MOCS1: variants seen among roughly 807,000 people sequenced by gnomAD.
MOCS1 encodes the protein molybdenum cofactor synthesis 1, also known as molybdenum cofactor biosynthesis protein 1.
MOCS1 carries 39 observed loss-of-function variants against 57.6 expected under a neutral mutation model. The ratio of observed to expected loss-of-function variants is 0.68; its 90% CI spans 0.52 to 0.88. MOCS1 has a LOEUF of 0.88. MOCS1 is among the 40% of genes least tolerant of loss of function. The probability of loss-of-function intolerance (pLI) is 0.00; values close to 1 mark genes in which losing one functional copy is unlikely to be tolerated. For missense variants in MOCS1, 795 were observed against 831.1 expected, an observed-to-expected ratio of 0.96 and a Z score of 0.53; for synonymous variants, 334 against 335.7, an observed-to-expected ratio of 1.00 and a Z score of 0.05.
In MOCS1 at chr6:39,924,115, C is replaced by A. The variant is rs1298456017; in HGVS notation, c.418+1563G>T. On this transcript the variant is annotated intron_variant, in intron 3 of 10. Transcript: ENST00000340692. ...GTTTAGAAGCTCATGGCAAGAGGCC[C>A]TTTAGAGCTACCTTTACAGAGCACT... 3.9e-5 allele frequency among the ~76,000 whole-genome samples: 6 copies of A among 152,328 alleles called. No homozygotes were observed. The East Asian group carries it at 1.2e-3, about 29-fold the overall frequency.
At chr6:39,911,450 C>G (rs1326195613) in intron 8 of MOCS1, among the ~76,000 whole-genome samples, 2 of 152,210 alleles carry the variant, frequency 1.3e-5, no homozygotes, top group African/African-American at 4.8e-5. Context: ...TGGAGAACCA[C>G]TGAATGGCCA....
intron 3 of MOCS1, among the ~76,000 whole-genome samples, chr6:39,919,916 AT>A (rs1399387217): frequency 6.6e-6 from 1 of 152,208 alleles, no homozygotes; most frequent in Non-Finnish European, 1.5e-5. Flanking sequence ...TAGGTGTTTC[AT>A]TAACAAGATA....
chr6:39,923,324 G>A (rs989635516), intron 3 of MOCS1, among the ~76,000 whole-genome samples: 3 of 152,226 alleles, frequency 2.0e-5, no homozygotes, highest in Non-Finnish European at 4.4e-5. Flanking sequence ...CGGTGGGGAA[G>A]GAACCTGCAC....
At position 39,905,720 on chromosome 6, in the gene MOCS1, G is replaced by C. The variant is rs751660956; in HGVS notation, c.*637C>G. On this transcript the variant is annotated 3_prime_UTR_variant, in exon 11 of 11. Coordinates refer to ENST00000340692, the MANE Select transcript of MOCS1 (RefSeq NM_001358530.2). The stretch of plus-strand genomic sequence containing the variant: ...GTGTGCACATCCTGTTTCAGAAGAG[G>C]GGGGCCAGAGGAAAAGGGGCCAGCA... 2.1e-6 allele frequency: 1 copy of C among 471,174 alleles called. No homozygotes were observed. The highest frequency in any genetic ancestry group is 3.2e-4 in the Middle Eastern group (1 of 3,078). 29.2% of individuals were successfully genotyped at this position (471,174 alleles called of 1,614,324 possible).
In MOCS1 at chr6:39,927,365, GGTAGCTGTGCTGCCGGCC is replaced by G. The variant is rs1768378228; in HGVS notation, c.196_213del (p.Gly66_Tyr71del). On this transcript the variant is annotated inframe_deletion, in exon 2 of 11. Transcript: ENST00000340692. ...CACTTCTCTGTGAGGGAGATCCGCA[GGTAGCTGTGCTGCCGGCC>G]GAAGCTGTCTGTGAGGAAGGCGGAG... The G allele has an allele frequency of 1.9e-6, 3 of 1,612,496 alleles. No individual in the cohort carries two copies. The highest frequency in any genetic ancestry group is 2.5e-6 in the Non-Finnish European group (3 of 1,179,712).
rs767097726 is a variant in MOCS1, at chr6:39,907,107, C to CA, written c.1160dup (p.Leu387PhefsTer77). On this transcript the variant is annotated frameshift_variant, in exon 11 of 11. Coordinates refer to ENST00000340692, the MANE Select transcript of MOCS1 (RefSeq NM_001358530.2). LOFTEE classifies it low-confidence loss of function (END_TRUNC). ...TGGCTGGTGGGGAATTGGGGAACAT[C>CA]AAAAATAACTCTGCAAGGCAAGAAG... The CA allele has an allele frequency of 6.2e-7, 1 of 1,610,496 alleles. No individual in the cohort carries two copies. Among genetic ancestry groups the CA allele is most frequent in the African/African-American group, 1.3e-5 (1 of 74,650 alleles).
At position 39,905,141 on chromosome 6, in the gene MOCS1, T is replaced by G. The variant is rs1033915054; in HGVS notation, c.*1216A>C. ...GCAGGCAGGGGGCACCACTGAGGAC[T>G]CAAAGACATCCAAGTTAGAGAGCCC... is the stretch of plus-strand genomic sequence containing the variant. On this transcript the variant is annotated 3_prime_UTR_variant, in exon 11 of 11. Transcript: ENST00000340692. 2.2e-6 allele frequency: 1 copy of G among 454,352 alleles called. No individual in the cohort carries two copies. Among genetic ancestry groups the G allele is most frequent in the Non-Finnish European group, 4.4e-6 (1 of 226,916 alleles). 28.1% of individuals were successfully genotyped at this position (454,352 alleles called of 1,614,324 possible).
At chr6:39,910,181 C>G (rs1032450806) in intron 8 of MOCS1, among the ~76,000 whole-genome samples, 1 of 152,220 alleles carries the variant, frequency 6.6e-6, no homozygotes, top group Non-Finnish European at 1.5e-5. Context: ...ATGTGAGTTA[C>G]AGTCATACTT....
rs968663135 is a variant in MOCS1 at position 39,909,535 on chromosome 6, G to A, written c.1102+300C>T. The stretch of plus-strand genomic sequence containing the variant: ...CTGCCCTCCCTAAACAGAAGGCCAC[G>A]TGTGGGATGAGAAAGAAGCAATGAC... On this transcript the variant is annotated intron_variant, in intron 9 of 10. Coordinates refer to ENST00000340692, the MANE Select transcript of MOCS1 (RefSeq NM_001358530.2). 5.9e-5 allele frequency among the ~76,000 whole-genome samples: 9 copies of A among 152,184 alleles called. No homozygotes were observed. The South Asian group carries it at 6.2e-4, about 11-fold the overall frequency.
chr6:39,909,702 G>C, intron 9 of MOCS1, 133 bp downstream of exon 9: 1 of 1,226,798 alleles, frequency 8.2e-7, no homozygotes, highest in Non-Finnish European at 1.2e-6. Context: ...GTGAGTGGTA[G>C]TGGGGATGAT....
chr6:39,922,043 A>G (rs1768000259), intron 3 of MOCS1, among the ~76,000 whole-genome samples: 1 of 152,136 alleles, frequency 6.6e-6, no homozygotes, highest in African/African-American at 2.4e-5. Flanking sequence ...AGGATGGAAA[A>G]CAAGGGCCCT....
intron 1 of MOCS1, among the ~76,000 whole-genome samples, chr6:39,932,743 T>C (rs1327636821): frequency 2.6e-5 from 4 of 152,206 alleles, no homozygotes; most frequent in Non-Finnish European, 5.9e-5. Context: ...GCATGGATAA[T>C]AGTAATTACC....
chr6:39,928,228 G>T (rs1020817370), intron 1 of MOCS1, among the ~76,000 whole-genome samples: 6 of 150,394 alleles, frequency 4.0e-5, no homozygotes, highest in African/African-American at 1.5e-4. Flanking sequence ...GCAGTAGCGC[G>T]ATCTTGGCTC....
At chr6:39,923,454 C>A (rs1215411388) in intron 3 of MOCS1, among the ~76,000 whole-genome samples, 1 of 152,260 alleles carries the variant, frequency 6.6e-6, no homozygotes, top group East Asian at 1.9e-4. Context: ...CATACCAGTG[C>A]TCAGCCATCC....
In MOCS1 at chr6:39,905,834, A is replaced by AGGG. The variant is rs59196748; in HGVS notation, c.*522_*523insCCC. ...AGAGATGAAGTCAGGACAGGACAGG[A>AGGG]CAGGGCAGGGCTGCGGCTTCACAGA... is the stretch of plus-strand genomic sequence containing the variant. On this transcript the variant is annotated 3_prime_UTR_variant, in exon 11 of 11. Transcript: ENST00000340692. 11,777 of 470,928 alleles carry AGGG rather than the reference A, an allele frequency of 0.025. 365 individuals are homozygous for AGGG. Among genetic ancestry groups the AGGG allele is most frequent in the African/African-American group, 0.1 (5,207 of 50,064 alleles). The allele number at this position is 470,928 out of a possible 1,614,324, so 29.2% of individuals were successfully genotyped here. A position where few individuals can be genotyped will look rare whatever the true frequency, so the allele number is the denominator to read the frequency against.
At chr6:39,930,379 G>A (rs1257577345) in intron 1 of MOCS1, among the ~76,000 whole-genome samples, 6 of 152,118 alleles carry the variant, frequency 3.9e-5, no homozygotes, top group Non-Finnish European at 8.8e-5. Flanking sequence ...TCCCAGGCTG[G>A]CCTGGGCTGT....
intron 1 of MOCS1, among the ~76,000 whole-genome samples, chr6:39,933,801 A>T (rs1291792667): frequency 2.0e-5 from 3 of 152,144 alleles, no homozygotes; most frequent in African/African-American, 7.2e-5. Context: ...AGAGTCAGCA[A>T]AGGATGGGTT....
chr6:39,919,775 T>TA (rs556844543), intron 3 of MOCS1, among the ~76,000 whole-genome samples: 2 of 152,058 alleles, frequency 1.3e-5, no homozygotes, highest in African/African-American at 4.8e-5. Flanking sequence ...TAAAGAACTA[T>TA]AAAAAAATGG....
chr6:39,931,859 G>T (rs1768660078), intron 1 of MOCS1, among the ~76,000 whole-genome samples: 1 of 152,084 alleles, frequency 6.6e-6, no homozygotes, highest in African/African-American at 2.4e-5. Context: ...AGCCTGCATG[G>T]AGCCTCAGAG....
Sources: gnomAD v4.1 joint callset for allele counts (sites outside exome capture counted in the v4.1 genomes callset) on GRCh38, gnomAD v4.1.1 for gene constraint, MANE v1.5 for transcripts, NCBI Gene and HGNC (gene_info 2026-07-23, HGNC 2026-07-21) for gene names.